ERBB4: variants seen among roughly 807,000 people sequenced by gnomAD.
ERBB4 encodes the protein erb-b2 receptor tyrosine kinase 4.
ERBB4 carries 42 observed loss-of-function variants against 158.0 expected under a neutral mutation model. That is an observed-to-expected ratio of 0.27 (90% CI 0.21 to 0.34). ERBB4 has a LOEUF of 0.34. Ranked by LOEUF, ERBB4 falls within the 10% of genes least tolerant of loss-of-function variation. ERBB4 has a pLI of 1.00. For missense variants in ERBB4, 1,333 were observed against 1,624.1 expected (o/e 0.82, Z 3.08); for synonymous variants, 583 against 558.7 (o/e 1.04, Z -0.61).
chr2:212,381,585 G>A (rs1447891441), intron 1 of ERBB4, among the ~76,000 whole-genome samples: 1 of 151,228 alleles, frequency 6.6e-6, no homozygotes, highest in Non-Finnish European at 1.5e-5. Flanking sequence ...ACCATTTTGA[G>A]TTAAAATTGG....
intron 3 of ERBB4, among the ~76,000 whole-genome samples, chr2:211,825,061 A>C (rs2077069923): frequency 6.6e-6 from 1 of 151,952 alleles, no homozygotes; most frequent in African/African-American, 2.4e-5. Flanking sequence ...ATCAAAAGAG[A>C]GGAACAAAGC....
chr2:211,857,094 T>C (rs2077886874), intron 3 of ERBB4, among the ~76,000 whole-genome samples: 1 of 152,074 alleles, frequency 6.6e-6, no homozygotes, highest in Admixed American at 6.5e-5. Context: ...GTAACATTGC[T>C]AGGAAGTCCT....
intron 20 of ERBB4, among the ~76,000 whole-genome samples, chr2:211,505,175 A>C (rs116352404): frequency 3.3e-5 from 5 of 152,092 alleles, no homozygotes; most frequent in African/African-American, 4.8e-5. Flanking sequence ...TCAATATAAA[A>C]GAAAAAATTT....
chr2:211,784,322 G>T (rs1299546728), intron 4 of ERBB4, among the ~76,000 whole-genome samples: 3 of 152,266 alleles, frequency 2.0e-5, no homozygotes, highest in Admixed American at 6.5e-5. Context: ...TGACAGTTGA[G>T]TTACTTCATG....
chr2:212,135,786 TCC>T (rs1358298850), intron 1 of ERBB4, among the ~76,000 whole-genome samples: 1 of 152,184 alleles, frequency 6.6e-6, no homozygotes, highest in East Asian at 1.9e-4. Context: ...AAGTGCTAGG[TCC>T]TTAACTTTAA....
chr2:212,260,443 A>G (rs929969506), intron 1 of ERBB4, among the ~76,000 whole-genome samples: 5 of 152,216 alleles, frequency 3.3e-5, no homozygotes, highest in Non-Finnish European at 5.9e-5. Flanking sequence ...GAGGACAAAC[A>G]TTTGGTCTAT....
In ERBB4 at chr2:211,865,722, A is replaced by G. The variant is rs1167583927; in HGVS notation, c.422-77563T>C. Among the ~76,000 whole-genome samples the G allele has an allele frequency of 2.0e-5, 3 of 152,194 alleles. No individual in the cohort carries two copies. The East Asian group carries it at 5.8e-4, about 29-fold the overall frequency. On this transcript the variant is annotated intron_variant, in intron 3 of 27. Coordinates refer to ENST00000342788, the MANE Select transcript of ERBB4 (RefSeq NM_005235.3). ...TTTTCCCATATTAATTAATAGCAAGATCAGCCATCCATTTGCTCAGACCAA... is the reference window on the plus strand; with the variant it reads ...TTTTCCCATATTAATTAATAGCAAGGTCAGCCATCCATTTGCTCAGACCAA...
intron 1 of ERBB4, among the ~76,000 whole-genome samples, chr2:212,520,463 A>G (rs987294595): frequency 6.6e-6 from 1 of 151,980 alleles, no homozygotes; most frequent in African/African-American, 2.4e-5. Flanking sequence ...TCTTAAAGGT[A>G]TAGCTCATGG....
At chr2:211,432,697 T>C (rs2063769757) in intron 20 of ERBB4, among the ~76,000 whole-genome samples, 1 of 152,170 alleles carries the variant, frequency 6.6e-6, no homozygotes, top group Non-Finnish European at 1.5e-5. Flanking sequence ...CAAATGTTCA[T>C]GAAACATTCA....
chr2:212,305,029 T>A (rs1340023025), intron 1 of ERBB4, among the ~76,000 whole-genome samples: 1 of 151,364 alleles, frequency 6.6e-6, no homozygotes, highest in Non-Finnish European at 1.5e-5. Context: ...GCACTTAAAA[T>A]ATTTTGTTCA....
chr2:211,660,072 A>T (rs186748498), intron 15 of ERBB4, among the ~76,000 whole-genome samples: 1 of 152,350 alleles, frequency 6.6e-6, no homozygotes, highest in Non-Finnish European at 1.5e-5. Context: ...AATAATTCTT[A>T]GTAGTTGGAG....
intron 3 of ERBB4, among the ~76,000 whole-genome samples, chr2:211,838,695 C>T (rs1027856325): frequency 6.6e-6 from 1 of 151,902 alleles, no homozygotes; most frequent in Non-Finnish European, 1.5e-5. Flanking sequence ...AATATTAAAC[C>T]CTTCTTAATG....
chr2:211,399,009 G>A (rs2062978390), intron 25 of ERBB4, among the ~76,000 whole-genome samples: 1 of 152,114 alleles, frequency 6.6e-6, no homozygotes, highest in African/African-American at 2.4e-5. Context: ...TTTGCTTGAT[G>A]AGCCCTTTCC....
intron 9 of ERBB4, among the ~76,000 whole-genome samples, chr2:211,709,731 C>T (rs1335089434): frequency 2.0e-5 from 3 of 152,126 alleles, no homozygotes; most frequent in Non-Finnish European, 4.4e-5. Context: ...GTGCAAACTT[C>T]ATGCTTGGTC....
intron 1 of ERBB4, among the ~76,000 whole-genome samples, chr2:212,503,805 T>C (rs1038699455): frequency 6.6e-6 from 1 of 152,214 alleles, no homozygotes; most frequent in Non-Finnish European, 1.5e-5. Context: ...ACGGGTGTTT[T>C]TGAATTTTTG....
intron 2 of ERBB4, among the ~76,000 whole-genome samples, chr2:211,990,764 T>C (rs1469211525): frequency 6.6e-6 from 1 of 151,832 alleles, no homozygotes; most frequent in East Asian, 1.9e-4. Flanking sequence ...GGATGTTGGA[T>C]GTTGCAAAAT....
intron 20 of ERBB4, among the ~76,000 whole-genome samples, chr2:211,534,976 A>T (rs1330546509): frequency 6.6e-6 from 1 of 152,044 alleles, no homozygotes; most frequent in Non-Finnish European, 1.5e-5. Context: ...TGTTACCATC[A>T]CCAGGGAAAT....
At chr2:212,535,431 G>C (rs766673332) in intron 1 of ERBB4, among the ~76,000 whole-genome samples, 8 of 152,168 alleles carry the variant, frequency 5.3e-5, no homozygotes, top group Middle Eastern at 3.4e-3. Context: ...GAGATATAAT[G>C]ATGTATCTTA....
At chr2:211,454,626 A>G (rs1271783435) in intron 20 of ERBB4, among the ~76,000 whole-genome samples, 2 of 152,342 alleles carry the variant, frequency 1.3e-5, no homozygotes, top group South Asian at 2.1e-4. Context: ...TTTAAAGAGT[A>G]CAAGTGACAA....
Sources: allele counts gnomAD v4.1 joint callset (sites outside exome capture counted in the v4.1 genomes callset), GRCh38; gene constraint gnomAD v4.1.1; transcripts MANE v1.5; gene names NCBI Gene and HGNC (gene_info 2026-07-23, HGNC 2026-07-21).